Variants in TMPRSS11D observed in about 807,000 individuals in gnomAD.
The protein encoded by TMPRSS11D is transmembrane protease serine 11D.
In TMPRSS11D, 32 loss-of-function variants were observed where a neutral mutation model predicts 44.4. That is an observed-to-expected ratio of 0.72 (90% CI 0.54 to 0.97). The LOEUF is 0.97. Ranked by LOEUF, TMPRSS11D falls within the 50% of genes least tolerant of loss-of-function variation. TMPRSS11D has a pLI of 0.00. For missense variants in TMPRSS11D, 446 were observed against 502.6 expected, an observed-to-expected ratio of 0.89 and a Z score of 1.08; for synonymous variants, 179 against 177.9, an observed-to-expected ratio of 1.01 and a Z score of -0.05.
chr4:67,860,722 T>C (rs1026208068), intron 1 of TMPRSS11D, among the ~76,000 whole-genome samples: 16 of 152,176 alleles, frequency 1.1e-4, no homozygotes, highest in Admixed American at 5.9e-4. Flanking sequence ...AAAGCCTCAA[T>C]AGAGCTGAGA....
chr4:67,822,189 G>A lies in TMPRSS11D; in HGVS notation c.*148C>T. The A allele has an allele frequency of 1.1e-6, 1 of 898,860 alleles. No homozygotes were observed. Among genetic ancestry groups the A allele is most frequent in the Non-Finnish European group, 1.7e-6 (1 of 589,946 alleles). 55.7% of individuals were successfully genotyped at this position (898,860 alleles called of 1,614,324 possible). On this transcript the variant is annotated 3_prime_UTR_variant, in exon 10 of 10. Transcript: ENST00000283916. ...AGAAAACCTTTAATAATAAAGAAAG[G>A]TTAAACAGTGTTTGTTAAACCATAT...
intron 3 of TMPRSS11D, among the ~76,000 whole-genome samples, chr4:67,851,561 G>C (rs1718509919): frequency 6.6e-6 from 1 of 152,184 alleles, no homozygotes; most frequent in South Asian, 2.1e-4. Flanking sequence ...TGGGGAGCAT[G>C]GCTGAGGAGC....
At chr4:67,859,469 G>A (rs1198120981) in intron 2 of TMPRSS11D, 88 bp downstream of exon 2, 3 of 1,418,922 alleles carry the variant, frequency 2.1e-6, no homozygotes, top group Non-Finnish European at 9.6e-7. Context: ...AGAAATAAAA[G>A]CCATAGTAAA....
intron 6 of TMPRSS11D, chr4:67,833,685 G>C: frequency 4.7e-6 from 1 of 213,640 alleles, no homozygotes; most frequent in Non-Finnish European, 9.2e-6. Flanking sequence ...ATTATTGGAT[G>C]TGCCAGCTCA....
chr4:67,830,409 T>C (rs1717917696), intron 7 of TMPRSS11D, among the ~76,000 whole-genome samples: 1 of 152,050 alleles, frequency 6.6e-6, no homozygotes, highest in Admixed American at 6.6e-5. Context: ...CTGATTAACT[T>C]AACATTGTTC....
chr4:67,843,184 T>C (rs1718275075), intron 3 of TMPRSS11D, among the ~76,000 whole-genome samples: 1 of 151,748 alleles, frequency 6.6e-6, no homozygotes, highest in Non-Finnish European at 1.5e-5. Flanking sequence ...AGTTGGTAAT[T>C]TCTTTTTTAT....
chr4:67,864,384 G>T (rs1718866722), intron 1 of TMPRSS11D, among the ~76,000 whole-genome samples: 1 of 151,866 alleles, frequency 6.6e-6, no homozygotes, highest in Non-Finnish European at 1.5e-5. Flanking sequence ...GGCTCTGCAA[G>T]AAATGCTCAA....
chr4:67,859,493 G>C, intron 2 of TMPRSS11D, 64 bp downstream of exon 2: 3 of 1,542,666 alleles, frequency 1.9e-6, no homozygotes, highest in Non-Finnish European at 2.6e-6. Flanking sequence ...AAGAATGCCA[G>C]ACTTTAAATC....
chr4:67,829,360 C>T (rs908736327), intron 7 of TMPRSS11D, among the ~76,000 whole-genome samples: 2 of 151,144 alleles, frequency 1.3e-5, no homozygotes, highest in East Asian at 3.9e-4. Flanking sequence ...ACTTATCGAA[C>T]TCCCCTCATA....
intron 1 of TMPRSS11D, among the ~76,000 whole-genome samples, chr4:67,871,342 A>T (rs929325245): frequency 6.6e-6 from 1 of 152,066 alleles, no homozygotes; most frequent in Non-Finnish European, 1.5e-5. Context: ...TGATCCTCAT[A>T]TGCTGTATAT....
At chr4:67,840,427 A>G (rs984489415) in intron 4 of TMPRSS11D, among the ~76,000 whole-genome samples, 3 of 152,184 alleles carry the variant, frequency 2.0e-5, no homozygotes, top group Non-Finnish European at 4.4e-5. Flanking sequence ...GTGGGGGCAC[A>G]GCCAAACCAT....
chr4:67,846,358 A>T (rs1331971390), intron 3 of TMPRSS11D, among the ~76,000 whole-genome samples: 1 of 152,136 alleles, frequency 6.6e-6, no homozygotes, highest in African/African-American at 2.4e-5. Context: ...GAGTTATAAA[A>T]TAAACACAGG....
rs113629378 is a variant in TMPRSS11D at position 67,848,575 on chromosome 4, G to A, written c.249+5493C>T. On this transcript the variant is annotated intron_variant, in intron 3 of 9. Transcript: ENST00000283916. ...TAACTGTGAAAAGTGCAGCAATACAGTAGAGGGACCTGAGCCAATTAATGA... is the reference window on the plus strand; with the variant it reads ...TAACTGTGAAAAGTGCAGCAATACAATAGAGGGACCTGAGCCAATTAATGA... 1.9e-3 allele frequency among the ~76,000 whole-genome samples: 287 copies of A among 152,334 alleles called. 2 individuals carry two copies. The highest frequency in any genetic ancestry group is 6.7e-3 in the African/African-American group (277 of 41,576).
At chr4:67,852,270 C>G (rs1476616763) in intron 3 of TMPRSS11D, among the ~76,000 whole-genome samples, 1 of 152,158 alleles carries the variant, frequency 6.6e-6, no homozygotes, top group Non-Finnish European at 1.5e-5. Context: ...AACCGTCCTG[C>G]CGGTTTCCAT....
rs1718562237 is a variant in TMPRSS11D at position 67,853,701 on chromosome 4, C to T, written c.249+367G>A. 2.6e-5 allele frequency among the ~76,000 whole-genome samples: 4 copies of T among 152,156 alleles called. No homozygotes were observed. The South Asian group carries it at 8.3e-4, about 32-fold the overall frequency. ...CTGATATGGTAAACCTGTTTTTTAACACCTCCTGCTTTGCGTCTTTAGTTG... is the reference window on the plus strand; with the variant it reads ...CTGATATGGTAAACCTGTTTTTTAATACCTCCTGCTTTGCGTCTTTAGTTG... On this transcript the variant is annotated intron_variant, in intron 3 of 9. Coordinates refer to ENST00000283916, the MANE Select transcript of TMPRSS11D (RefSeq NM_004262.3).
chr4:67,860,070 C>T (rs1718757987), intron 1 of TMPRSS11D, among the ~76,000 whole-genome samples: 1 of 152,012 alleles, frequency 6.6e-6, no homozygotes, highest in Non-Finnish European at 1.5e-5. Flanking sequence ...GGGCACCATC[C>T]CCAAGGCTGT....
In TMPRSS11D at chr4:67,821,573, A is replaced by T. The variant is rs537566658; in HGVS notation, c.*764T>A. 1.3e-5 allele frequency: 2 copies of T among 152,238 alleles called. No homozygotes were observed. Among genetic ancestry groups the T allele is most frequent in the East Asian group, 1.9e-4 (1 of 5,180 alleles). The allele number at this position is 152,238 out of a possible 1,614,324, so 9.4% of individuals were successfully genotyped here. On this transcript the variant is annotated 3_prime_UTR_variant, in exon 10 of 10. Coordinates refer to ENST00000283916, the MANE Select transcript of TMPRSS11D (RefSeq NM_004262.3). ...AAGCACCTGACAAGTTTGTGTAGGT[A>T]TATTTCTTAGCTTCTCTATAAAATA...
At chr4:67,877,073 A>G (rs1356364329) in intron 1 of TMPRSS11D, among the ~76,000 whole-genome samples, 2 of 152,158 alleles carry the variant, frequency 1.3e-5, no homozygotes, top group Admixed American at 6.6e-5. Context: ...AGGTGTGGTA[A>G]CTTGAAACGG....
intron 7 of TMPRSS11D, 22 bp downstream of exon 7, chr4:67,833,182 G>A (rs1717989361): frequency 7.1e-7 from 1 of 1,414,016 alleles, no homozygotes; most frequent in African/African-American, 1.5e-5. Context: ...GTTCCCAGAT[G>A]GGTAGGTAGT....
Sources: gnomAD v4.1 joint callset for allele counts (sites outside exome capture counted in the v4.1 genomes callset) on GRCh38, gnomAD v4.1.1 for gene constraint, MANE v1.5 for transcripts, NCBI Gene and HGNC (gene_info 2026-07-23, HGNC 2026-07-21) for gene names.